NHEJ1: variants seen among roughly 807,000 people sequenced by gnomAD.
NHEJ1 encodes the protein non-homologous end-joining factor 1.
Under a neutral mutation model 39.4 loss-of-function variants are expected in NHEJ1, and 22 were observed. The observed-to-expected ratio is 0.56, with a 90% confidence interval of 0.40 to 0.80. The LOEUF (loss-of-function observed/expected upper bound fraction) is 0.80. Among genes scored for constraint, NHEJ1 ranks in the 30% least tolerant of loss-of-function variants. The probability of loss-of-function intolerance (pLI) is 0.00; values close to 1 mark genes in which losing one functional copy is unlikely to be tolerated. For synonymous variants in NHEJ1, 154 were observed against 135.6 expected (o/e 1.14, Z -0.94); for missense variants, 329 against 357.1 (o/e 0.92, Z 0.63).
At chr2:219,099,204 C>T (rs1355965925) in intron 5 of NHEJ1, among the ~76,000 whole-genome samples, 1 of 152,176 alleles carries the variant, frequency 6.6e-6, no homozygotes, top group Admixed American at 6.5e-5. Context: ...TAGAACAGAG[C>T]TTCTCAACAG....
Position 219,077,243 on chromosome 2 carries a change from C to G in NHEJ1, c.825+3G>C, listed in dbSNP as rs750458375. 6.2e-7 allele frequency: 1 copy of G among 1,610,188 alleles called. No individual in the cohort carries two copies. Among genetic ancestry groups the G allele is most frequent in the African/African-American group, 1.3e-5 (1 of 74,838 alleles). On this transcript the variant is annotated splice_donor_region_variant and intron_variant, in intron 7 of 7. Coordinates refer to ENST00000356853, the MANE Select transcript of NHEJ1 (RefSeq NM_024782.3). The stretch of plus-strand genomic sequence containing the variant: ...ACCATCCAGGAAGCTGCTCATGACT[C>G]ACCGTGGACTCTTTCTCAGGTGCTG...
At chr2:219,084,160 C>A (rs943638956) in intron 5 of NHEJ1, among the ~76,000 whole-genome samples, 1 of 152,100 alleles carries the variant, frequency 6.6e-6, no homozygotes. Flanking sequence ...GCACCTGCCA[C>A]CACGCCTGGC....
Position 219,074,263 on chromosome 2 carries a change from A to G in NHEJ1, c.*2118T>C, listed in dbSNP as rs1281361831. Among the ~76,000 whole-genome samples, 1 of 152,160 alleles carries G rather than the reference A, an allele frequency of 6.6e-6. No homozygotes were observed. Among genetic ancestry groups the G allele is most frequent in the East Asian group, 1.9e-4 (1 of 5,186 alleles). On this transcript the variant is annotated 3_prime_UTR_variant, in exon 8 of 8. Coordinates refer to ENST00000356853, the MANE Select transcript of NHEJ1 (RefSeq NM_024782.3). Reference sequence around the variant, plus strand: ...ATTTTGCTCTTAAGATTTTACCTACAATTTTGAGGGATTCACAGGCCTCTG... The same window carrying G: ...ATTTTGCTCTTAAGATTTTACCTACGATTTTGAGGGATTCACAGGCCTCTG...
intron 5 of NHEJ1, among the ~76,000 whole-genome samples, chr2:219,135,562 T>C (rs1392598353): frequency 6.6e-6 from 1 of 152,162 alleles, no homozygotes; most frequent in Non-Finnish European, 1.5e-5. Flanking sequence ...TGAGCCGAGA[T>C]CACCCCACTG....
chr2:219,127,903 G>GA (rs1289900203), intron 5 of NHEJ1, among the ~76,000 whole-genome samples: 1 of 152,156 alleles, frequency 6.6e-6, no homozygotes, highest in African/African-American at 2.4e-5. Context: ...CTTGGCACTG[G>GA]AAAATAAACC....
At chr2:219,093,756 A>T (rs73991030) in intron 5 of NHEJ1, among the ~76,000 whole-genome samples, 3,744 of 152,364 alleles carry the variant, frequency 0.025, 158 homozygotes, top group African/African-American at 0.085. Flanking sequence ...TATATGTTCT[A>T]TTGTGTGTAT....
At position 219,069,389 on chromosome 2, in the gene NHEJ1, T is replaced by C. The variant is rs987938564; in HGVS notation, c.*6992A>G. On this transcript the variant is annotated 3_prime_UTR_variant, in exon 8 of 8. Transcript: ENST00000356853. ...AACGAAACGATTTAATCTGTTCATA[T>C]AGGGTAGGGGTGGAGCAACAGCAGA... 1 of 152,226 alleles carries C rather than the reference T, an allele frequency of 6.6e-6. No homozygotes were observed. The highest frequency in any genetic ancestry group is 2.4e-5 in the African/African-American group (1 of 41,442). 9.4% of individuals were successfully genotyped at this position (152,226 alleles called of 1,614,324 possible).
intron 5 of NHEJ1, among the ~76,000 whole-genome samples, chr2:219,141,835 C>T (rs1161249394): frequency 6.6e-6 from 1 of 152,084 alleles, no homozygotes; most frequent in Admixed American, 6.6e-5. Context: ...CTGGGAAACA[C>T]TAACCTTTAA....
intron 5 of NHEJ1, among the ~76,000 whole-genome samples, chr2:219,100,536 A>G (rs1258856017): frequency 6.6e-6 from 1 of 151,624 alleles, no homozygotes; most frequent in Non-Finnish European, 1.5e-5. Context: ...ATTTGAATCC[A>G]GGAGTCAGAG....
At chr2:219,140,734 C>T (rs1444263172) in intron 5 of NHEJ1, among the ~76,000 whole-genome samples, 9 of 152,174 alleles carry the variant, frequency 5.9e-5, no homozygotes, top group Admixed American at 5.9e-4. Flanking sequence ...TTTTAAACTT[C>T]TTCATGAAAA....
chr2:219,099,544 G>A (rs1170548758), intron 5 of NHEJ1, among the ~76,000 whole-genome samples: 1 of 152,170 alleles, frequency 6.6e-6, no homozygotes, highest in East Asian at 1.9e-4. Context: ...GAATTACTCA[G>A]AGTCAGTGCA....
rs201450075 is a variant in NHEJ1, at chr2:219,159,566, T to TATATATATGC, written c.-1+1144_-1+1153dup. Among the ~76,000 whole-genome samples, 51 of 17,674 alleles carry TATATATATGC rather than the reference T, an allele frequency of 2.9e-3. 2 individuals carry two copies. The highest frequency in any genetic ancestry group is 7.5e-3 in the African/African-American group (49 of 6,566). 11.6% of individuals were successfully genotyped at this position (17,674 alleles called of 152,430 possible). A position where few individuals can be genotyped will look rare whatever the true frequency, so the allele number is the denominator to read the frequency against. On this transcript the variant is annotated intron_variant, in intron 1 of 7. Coordinates refer to ENST00000356853, the MANE Select transcript of NHEJ1 (RefSeq NM_024782.3). ...ATATATATATGCATATATATATGCA[T>TATATATATGC]ATATATATGCATATATATATGCATA...
chr2:219,154,952 T>C (rs1949838311), intron 3 of NHEJ1, among the ~76,000 whole-genome samples: 1 of 147,070 alleles, frequency 6.8e-6, no homozygotes, highest in Admixed American at 6.8e-5. Context: ...TATATGTTAA[T>C]ATATTATATA....
rs532076811 is a variant in NHEJ1, at chr2:219,098,799, A to T, written c.589-20593T>A. 2.1e-4 allele frequency among the ~76,000 whole-genome samples: 32 copies of T among 152,298 alleles called. No homozygotes were observed. In the East Asian group the frequency reaches 5.8e-3, roughly 28 times the overall value. On this transcript the variant is annotated intron_variant, in intron 5 of 7. Coordinates refer to ENST00000356853, the MANE Select transcript of NHEJ1 (RefSeq NM_024782.3). ...GAGTCTGTCTCTAAAAAAATTTTTT[A>T]AATAAATAAATAAAATGAAGAAACT...
intron 5 of NHEJ1, among the ~76,000 whole-genome samples, chr2:219,133,840 C>A (rs1401276984): frequency 6.6e-6 from 1 of 152,188 alleles, no homozygotes; most frequent in Non-Finnish European, 1.5e-5. Flanking sequence ...TCATGACATC[C>A]ACAAATCCCA....
chr2:219,149,930 A>G (rs1949779636), intron 3 of NHEJ1, among the ~76,000 whole-genome samples: 1 of 152,244 alleles, frequency 6.6e-6, no homozygotes, highest in African/African-American at 2.4e-5. Context: ...AGCAAGCCAG[A>G]ATTGGCCCAT....
In NHEJ1 at chr2:219,157,337, T is replaced by C. The variant is rs1949863348; in HGVS notation, c.390+135A>G. ...TAACAGTCAAGAATCCTTTTTGCCT[T>C]CTGTTTAGTCAAGGAAAGTTTTCTG... On this transcript the variant is annotated intron_variant, in intron 3 of 7. Coordinates refer to ENST00000356853, the MANE Select transcript of NHEJ1 (RefSeq NM_024782.3). 5.4e-6 allele frequency: 4 copies of C among 738,458 alleles called. No homozygotes were observed. In the East Asian group the frequency reaches 8.0e-5, roughly 15 times the overall value. The allele number at this position is 738,458 out of a possible 1,614,324, so 45.7% of individuals were successfully genotyped here. A position where few individuals can be genotyped will look rare whatever the true frequency, so the allele number is the denominator to read the frequency against.
chr2:219,112,328 T>C (rs1474729260), intron 5 of NHEJ1, among the ~76,000 whole-genome samples: 1 of 152,210 alleles, frequency 6.6e-6, no homozygotes, highest in African/African-American at 2.4e-5. Context: ...TTTCCTCATC[T>C]ATAAAATAGG....
chr2:219,095,170 C>A, intron 5 of NHEJ1: 1 of 409,894 alleles, frequency 2.4e-6, no homozygotes, highest in Non-Finnish European at 5.1e-6. Flanking sequence ...TTGGCTAAAT[C>A]AGCTTTCTTC....
Sources: gnomAD v4.1 joint callset for allele counts (sites outside exome capture counted in the v4.1 genomes callset) on GRCh38, gnomAD v4.1.1 for gene constraint, MANE v1.5 for transcripts, NCBI Gene and HGNC (gene_info 2026-07-23, HGNC 2026-07-21) for gene names.